Variants in LCT observed in about 807,000 individuals in gnomAD.
LCT encodes lactase/phlorizin hydrolase.
A neutral mutation model predicts 173.0 loss-of-function variants in LCT; 90 were observed. The observed-to-expected ratio is 0.52, with a 90% CI of 0.44 to 0.62. The LOEUF (loss-of-function observed/expected upper bound fraction) is 0.62. LCT is among the 20% of genes least tolerant of loss of function. The pLI is 0.00. For missense variants in LCT, 1,864 were observed against 2,431.4 expected (o/e 0.77, Z 4.91); for synonymous variants, 853 against 957.6 (o/e 0.89, Z 2.02).
chr2:135,796,312 G>A (rs1186606013), intron 13 of LCT, among the ~76,000 whole-genome samples: 1 of 152,186 alleles, frequency 6.6e-6, no homozygotes, highest in African/African-American at 2.4e-5. Context: ...GGGTTTCTGA[G>A]ATGATGGGAG....
At chr2:135,805,928 G>A (rs1020048976) in intron 9 of LCT, among the ~76,000 whole-genome samples, 2 of 152,144 alleles carry the variant, frequency 1.3e-5, no homozygotes, top group Non-Finnish European at 2.9e-5. Context: ...TGTAATTCCA[G>A]CACTTTGGGA....
intron 15 of LCT, 46 bp from the exon 16 acceptor site, chr2:135,789,844 G>A (rs779591378): frequency 6.6e-7 from 1 of 1,514,094 alleles, no homozygotes; most frequent in Admixed American, 1.7e-5. Context: ...ATCTCATAAG[G>A]CAGCTTCCTG....
chr2:135,800,848 G>C (rs768565193), intron 11 of LCT, 39 bp from the exon 12 acceptor site: 2 of 1,488,668 alleles, frequency 1.3e-6, no homozygotes, highest in Non-Finnish European at 1.9e-6. Flanking sequence ...AGAATGGATA[G>C]AATGGATGTG....
In LCT at chr2:135,809,935, G is replaced by A; in HGVS notation, c.2412C>T (p.Gly804=). The A allele has an allele frequency of 1.2e-6, 2 of 1,614,178 alleles. No homozygotes were observed. Among genetic ancestry groups the A allele is most frequent in the Non-Finnish European group, 1.7e-6 (2 of 1,180,020 alleles). The stretch of plus-strand genomic sequence containing the variant: ...GGCTGTAACCAGAAGGGCCTTCGAA[G>A]CCATCAATGAGGGAACGAGCAATGT... ...RSYIARSLID[G]FEGPSGYSQR... Residue 804 remains glycine (G), a synonymous_variant, in exon 8 of 17, where the codon GGC becomes GGT. Coordinates refer to ENST00000264162, the MANE Select transcript of LCT (RefSeq NM_002299.4). This position sits in a 1 kb window ranked among gnomAD's most constrained non-coding sequence, Gnocchi z 5.5.
chr2:135,798,901 G>T (rs2077603832), intron 12 of LCT, among the ~76,000 whole-genome samples: 1 of 152,158 alleles, frequency 6.6e-6, no homozygotes, highest in South Asian at 2.1e-4. Context: ...TAACACACTA[G>T]ATATTTTCGT....
intron 16 of LCT, among the ~76,000 whole-genome samples, chr2:135,789,218 G>A (rs2077515558): frequency 6.6e-6 from 1 of 152,190 alleles, no homozygotes; most frequent in South Asian, 2.1e-4. Flanking sequence ...CATGGTGCAG[G>A]CATTGTACTT....
In LCT at chr2:135,804,961, C is replaced by A. The variant is rs762207096; in HGVS notation, c.4270G>T (p.Val1424Leu). 2 of 1,614,152 alleles carry A rather than the reference C, an allele frequency of 1.2e-6. No individual in the cohort carries two copies. The highest frequency in any genetic ancestry group is 2.2e-5 in the East Asian group (1 of 44,886). The change falls in exon 10 of 17, where the codon GTG becomes TTG. Residue 1424 changes from valine to leucine, a missense_variant. Physicochemically the swap from Val to Leu is conservative, Grantham distance 32. This residue lies in a region of LCT where 514 missense variants were observed against 750.1 expected (regional missense o/e 0.69). Transcript: ENST00000264162. ...LRVENDAIGD[V>L]ACDSYHKIAE... Reference sequence around the variant, plus strand: ...ATCTTGTGATAACTGTCACAGGCCACGTCTCCAATGGCATCGTTCTCAACC... The same window carrying A: ...ATCTTGTGATAACTGTCACAGGCCAAGTCTCCAATGGCATCGTTCTCAACC...
In LCT at chr2:135,823,999, A is replaced by G. The variant is rs1017932706; in HGVS notation, c.809T>C (p.Ile270Thr). The G allele has an allele frequency of 2.5e-6, 4 of 1,610,344 alleles. No individual in the cohort carries two copies. Among genetic ancestry groups the G allele is most frequent in the Admixed American group, 3.3e-5 (2 of 60,004 alleles). ...GATGAAAACTTTCACTTTTGGCTCA[A>G]TGGTCTGAAAAAGAGAAGGACCAGC... ...LRQKLSKLQT[I>T]EPKVKVFIFN... Residue 270 changes from isoleucine (I) to threonine (T), a missense_variant, in exon 4 of 17, where the codon ATT becomes ACT. Physicochemically the swap from Ile to Thr is moderately conservative, Grantham distance 89. This residue lies in a region of LCT where 412 missense variants were observed against 462.0 expected (regional missense o/e 0.89). Transcript: ENST00000264162.
intron 1 of LCT, among the ~76,000 whole-genome samples, chr2:135,833,743 G>A (rs576008045): frequency 1.3e-5 from 2 of 152,046 alleles, no homozygotes; most frequent in Admixed American, 6.6e-5. Flanking sequence ...ACCGCGCCCG[G>A]CCATCTTAAC....
intron 3 of LCT, among the ~76,000 whole-genome samples, chr2:135,826,795 C>T (rs932177719): frequency 2.6e-5 from 4 of 152,132 alleles, no homozygotes; most frequent in Admixed American, 6.5e-5. Context: ...AAGCAGACCT[C>T]GAAGACCCTA....
intron 13 of LCT, 53 bp downstream of exon 13, chr2:135,797,976 C>G (rs985037253): frequency 4.1e-6 from 4 of 969,266 alleles, no homozygotes; most frequent in Admixed American, 1.7e-5. Flanking sequence ...CCGAGACATG[C>G]CTCTGTGACC....
intron 12 of LCT, among the ~76,000 whole-genome samples, chr2:135,799,479 CTTTTTT>C (rs745994855): frequency 1.4e-5 from 2 of 142,316 alleles, no homozygotes; most frequent in Non-Finnish European, 3.1e-5. Flanking sequence ...CACCTGCTTC[CTTTTTT>C]TTTTTTTTTG....
Position 135,809,921 on chromosome 2 carries a change from GA to G in LCT, c.2425del (p.Ser809LeufsTer34), listed in dbSNP as rs2077720579. The G allele has an allele frequency of 3.7e-6, 6 of 1,614,246 alleles. No homozygotes were observed. Among genetic ancestry groups the G allele is most frequent in the Non-Finnish European group, 5.1e-6 (6 of 1,180,044 alleles). The part of the protein sequence containing the change: ...RSLIDGFEGP[S>X]GYSQRFGLHH... ...CAGGCCAAACCGCTGGCTGTAACCA[GA>G]AGGGCCTTCGAAGCCATCAATGAGG... On this transcript the variant is annotated frameshift_variant, in exon 8 of 17. Coordinates refer to ENST00000264162, the MANE Select transcript of LCT (RefSeq NM_002299.4). LOFTEE classifies it high-confidence loss of function. This position sits in a 1 kb window ranked among gnomAD's most constrained non-coding sequence, Gnocchi z 5.5.
chr2:135,796,606 T>C (rs1027434350), intron 13 of LCT, among the ~76,000 whole-genome samples: 1 of 152,238 alleles, frequency 6.6e-6, no homozygotes. Flanking sequence ...TGTCCTGCCT[T>C]GTCCATGAAA....
chr2:135,792,727 G>A (rs942524062), intron 14 of LCT, among the ~76,000 whole-genome samples: 2 of 152,140 alleles, frequency 1.3e-5, no homozygotes, highest in Non-Finnish European at 2.9e-5. Flanking sequence ...CCCCACAGTG[G>A]CCACAGCAAG....
In LCT at chr2:135,788,483, G is replaced by C. The variant is rs760541869; in HGVS notation, c.5625C>G (p.Leu1875=). ...QEEVQFLGLM[L]GTTEAQTALY... Reference sequence around the variant, plus strand: ...AAGCTGTCTGTGCTTCTGTGGTGCCGAGCATTAGCCCCAGGAACTGCACCT... The same window carrying C: ...AAGCTGTCTGTGCTTCTGTGGTGCCCAGCATTAGCCCCAGGAACTGCACCT... Residue 1875 remains leucine (L), a synonymous_variant, in exon 17 of 17, where the codon CTC becomes CTG. Transcript: ENST00000264162. 1 of 1,612,994 alleles carries C rather than the reference G, an allele frequency of 6.2e-7. No homozygotes were observed. The highest frequency in any genetic ancestry group is 1.7e-5 in the Admixed American group (1 of 59,998).
At position 135,817,739 on chromosome 2, in the gene LCT, C is replaced by T. The variant is rs142342109; in HGVS notation, c.1309G>A (p.Ala437Thr). The change falls in exon 6 of 17, where the codon GCC becomes ACC. Residue 437 changes from alanine to threonine, a missense_variant. Around this residue, in one of 4 missense-constraint regions of LCT, gnomAD observed 183 missense variants for 293.1 expected, o/e 0.62. Transcript: ENST00000264162. ...CCGCAAAGCAGGGCGACGTCAGAGG[C>T]TACCTTGTGGTAACTGTCGCTGGCC... ...EVASDSYHKV[A>T]SDVALLCGLR... is the part of the protein sequence containing the mutation. The T allele has an allele frequency of 6.4e-5, 103 of 1,614,070 alleles. No individual in the cohort carries two copies. In the African/African-American group the frequency reaches 1.3e-3, roughly 20 times the overall value.
intron 14 of LCT, among the ~76,000 whole-genome samples, chr2:135,793,285 C>G (rs1045263620): frequency 9.2e-5 from 14 of 152,258 alleles, no homozygotes; most frequent in African/African-American, 3.4e-4. Context: ...GAAGACAGAT[C>G]ACATCACAGG....
Position 135,812,354 on chromosome 2 carries a change from T to G in LCT, c.2310A>C (p.Leu770Phe), listed in dbSNP as rs148593528. The part of the protein sequence containing the change: ...GESENLFDDS[L>F]RVDYFNQYIN... ...TATATTGATTGAAGTAGTCTACTCT[T>G]AAGGAATCATCAAAGAGATTTTCAC... Residue 770 changes from leucine to phenylalanine, a missense_variant, in exon 7 of 17, where the codon TTA becomes TTC. Coordinates refer to ENST00000264162, the MANE Select transcript of LCT (RefSeq NM_002299.4). 4.5e-5 allele frequency: 73 copies of G among 1,613,828 alleles called. No homozygotes were observed. Among genetic ancestry groups the G allele is most frequent in the Middle Eastern group, 3.3e-4 (2 of 6,084 alleles).
Sources: allele counts gnomAD v4.1 joint callset (sites outside exome capture counted in the v4.1 genomes callset), GRCh38; gene constraint gnomAD v4.1.1; regional missense constraint gnomAD v4.1.1; non-coding constraint Gnocchi (gnomAD v3.1); transcripts MANE v1.5; gene names NCBI Gene and HGNC (gene_info 2026-07-23, HGNC 2026-07-21).